MCU: variants seen among roughly 807,000 people sequenced by gnomAD.
The protein encoded by MCU is mitochondrial calcium uniporter.
Under a neutral mutation model 45.2 loss-of-function variants are expected in MCU, and 12 were observed. That is an observed-to-expected ratio of 0.27 (90% CI 0.17 to 0.43). The LOEUF (loss-of-function observed/expected upper bound fraction) is 0.43, where lower values mean the gene tolerates loss of function less well. Ranked by LOEUF, MCU falls within the 20% of genes least tolerant of loss-of-function variation. MCU has a pLI of 1.00. For missense variants in MCU, 324 were observed against 436.7 expected (o/e 0.74, Z 2.30); for synonymous variants, 160 against 165.1 (o/e 0.97, Z 0.24).
intron 1 of MCU, among the ~76,000 whole-genome samples, chr10:72,711,412 G>A (rs564878166): frequency 3.3e-5 from 5 of 151,848 alleles, no homozygotes; most frequent in African/African-American, 1.2e-4. Flanking sequence ...GTAGACATGA[G>A]GTTTTGCCAT....
chr10:72,755,877 C>G (rs1843569378), intron 1 of MCU, among the ~76,000 whole-genome samples: 1 of 150,486 alleles, frequency 6.6e-6, no homozygotes, highest in African/African-American at 2.5e-5. Context: ...GTCTCTCTCT[C>G]TGTTACCCAG....
chr10:72,861,777 G>T, intron 4 of MCU: 1 of 296,112 alleles, frequency 3.4e-6, no homozygotes, highest in Non-Finnish European at 6.6e-6. Context: ...GATTATAGCC[G>T]TGAGTCACCG....
At chr10:72,839,343 A>AT (rs904443640) in intron 2 of MCU, among the ~76,000 whole-genome samples, 16 of 148,624 alleles carry the variant, frequency 1.1e-4, no homozygotes, top group Non-Finnish European at 1.5e-4. Context: ...AGGGTAGCAA[A>AT]TTTTTTTTTT....
At chr10:72,835,946 T>C (rs576796933) in intron 2 of MCU, among the ~76,000 whole-genome samples, 2 of 152,188 alleles carry the variant, frequency 1.3e-5, no homozygotes, top group East Asian at 3.9e-4. Context: ...ATGCTACATA[T>C]TCCTTTCCCT....
intron 6 of MCU, among the ~76,000 whole-genome samples, chr10:72,883,325 AT>A (rs1845733874): frequency 1.3e-5 from 2 of 152,228 alleles, no homozygotes; most frequent in African/African-American, 4.8e-5. Flanking sequence ...CTGTGACTAT[AT>A]TATAAACCAT....
At chr10:72,756,510 A>G (rs1843578972) in intron 1 of MCU, 1 of 152,174 alleles carries the variant, frequency 6.6e-6, no homozygotes, top group Non-Finnish European at 1.5e-5. Flanking sequence ...GAAACTGCAT[A>G]ATTCACTGGG....
intron 2 of MCU, among the ~76,000 whole-genome samples, chr10:72,839,202 CTGG>C (rs1445377443): frequency 6.6e-6 from 1 of 152,102 alleles, no homozygotes; most frequent in African/African-American, 2.4e-5. Context: ...GTTGGCCACG[CTGG>C]TCTCGAACTC....
chr10:72,714,025 G>A (rs1842926695), intron 1 of MCU, among the ~76,000 whole-genome samples: 1 of 150,158 alleles, frequency 6.7e-6, no homozygotes, highest in Admixed American at 6.7e-5. Context: ...GGAGTGCAAT[G>A]GCGCGATCTT....
chr10:72,849,175 G>A (rs1845168286), intron 2 of MCU, among the ~76,000 whole-genome samples: 1 of 151,852 alleles, frequency 6.6e-6, no homozygotes. Flanking sequence ...CAGCTACTCG[G>A]GAGGCTGAGG....
intron 2 of MCU, among the ~76,000 whole-genome samples, chr10:72,839,949 G>A (rs2132842600): frequency 8.7e-6 from 1 of 114,798 alleles, no homozygotes; most frequent in African/African-American, 3.5e-5. Context: ...GGGTGACAAA[G>A]CGAGACTCCG....
At chr10:72,875,773 C>T (rs966915799) in intron 6 of MCU, among the ~76,000 whole-genome samples, 1 of 152,150 alleles carries the variant, frequency 6.6e-6, no homozygotes, top group African/African-American at 2.4e-5. Context: ...ATTAATATTT[C>T]AGTAGAACCT....
At chr10:72,734,173 G>A (rs1321365132) in intron 1 of MCU, among the ~76,000 whole-genome samples, 3 of 152,252 alleles carry the variant, frequency 2.0e-5, no homozygotes, top group Admixed American at 2.0e-4. Flanking sequence ...TTGAGGCCAG[G>A]AGTTTGAGGC....
intron 6 of MCU, among the ~76,000 whole-genome samples, chr10:72,878,468 A>G (rs1845651034): frequency 6.6e-6 from 1 of 152,124 alleles, no homozygotes; most frequent in Non-Finnish European, 1.5e-5. Context: ...AAGCAGATAC[A>G]CAATACCTAC....
At chr10:72,817,101 C>G (rs1844639465) in intron 1 of MCU, among the ~76,000 whole-genome samples, 1 of 152,170 alleles carries the variant, frequency 6.6e-6, no homozygotes, top group Admixed American at 6.5e-5. Flanking sequence ...CTTCCACCTT[C>G]TGTTACTTGG....
chr10:72,846,581 G>A (rs1845126850), intron 2 of MCU, among the ~76,000 whole-genome samples: 1 of 152,188 alleles, frequency 6.6e-6, no homozygotes, highest in Non-Finnish European at 1.5e-5. Flanking sequence ...CCATGTACAA[G>A]AGTAGTGATG....
chr10:72,818,712 A>G (rs559315810), intron 1 of MCU, among the ~76,000 whole-genome samples: 5 of 151,990 alleles, frequency 3.3e-5, no homozygotes, highest in Non-Finnish European at 4.4e-5. Flanking sequence ...GTGGTGGTGC[A>G]TACGTGTAAT....
At chr10:72,866,014 T>G in intron 4 of MCU, among the ~76,000 whole-genome samples, 1 of 150,038 alleles carries the variant, frequency 6.7e-6, no homozygotes, top group East Asian at 1.9e-4. Flanking sequence ...CCTGACCTCG[T>G]GATCCGCCCT....
intron 1 of MCU, among the ~76,000 whole-genome samples, chr10:72,765,868 T>G (rs1339881305): frequency 1.3e-5 from 2 of 151,436 alleles, no homozygotes; most frequent in Non-Finnish European, 2.9e-5. Context: ...TTTTATTTTC[T>G]TTTTCTTTTT....
intron 2 of MCU, among the ~76,000 whole-genome samples, chr10:72,841,462 T>C (rs1845046773): frequency 6.6e-6 from 1 of 152,128 alleles, no homozygotes; most frequent in East Asian, 1.9e-4. Flanking sequence ...CATGCCTGGC[T>C]AATTCTTGTA....
Sources: allele counts gnomAD v4.1 joint callset (sites outside exome capture counted in the v4.1 genomes callset), GRCh38; gene constraint gnomAD v4.1.1; transcripts MANE v1.5; gene names NCBI Gene and HGNC (gene_info 2026-07-23, HGNC 2026-07-21).